CFAP46: variants seen among roughly 807,000 people sequenced by gnomAD.
The protein encoded by CFAP46 is cilia- and flagella-associated protein 46.
In CFAP46, 245 loss-of-function variants were observed where a neutral mutation model predicts 325.7. The observed-to-expected ratio is 0.75, with a 90% CI of 0.68 to 0.84. The LOEUF (loss-of-function observed/expected upper bound fraction) is 0.84, where lower values mean the gene tolerates loss of function less well. Among genes scored for constraint, CFAP46 ranks in the 40% least tolerant of loss-of-function variants. The pLI is 0.00. For synonymous variants in CFAP46, 1,523 were observed against 1,495.9 expected, an observed-to-expected ratio of 1.02 and a Z score of -0.42; for missense variants, 3,346 against 3,543.0, an observed-to-expected ratio of 0.94 and a Z score of 1.41.
At position 132,920,506 on chromosome 10, in the gene CFAP46, G is replaced by A. The variant is rs762895401; in HGVS notation, c.1607-324C>T. 1.3e-4 allele frequency among the ~76,000 whole-genome samples: 20 copies of A among 152,194 alleles called. 1 individual carries two copies. The highest frequency in any genetic ancestry group is 3.2e-3 in the Middle Eastern group (1 of 316). ...AGCTGCCCTCCAAGCAGAGGCACCC[G>A]GCCTCAGACTCCCGAGCTCCCACCC... is the stretch of plus-strand genomic sequence containing the variant. On this transcript the variant is annotated intron_variant, in intron 13 of 57. Coordinates refer to ENST00000368586, the MANE Select transcript of CFAP46 (RefSeq NM_001200049.3).
chr10:132,810,828 G>C (rs1398626606), intron 56 of CFAP46, 122 bp downstream of exon 56: 5 of 909,014 alleles, frequency 5.5e-6, no homozygotes, highest in Admixed American at 4.0e-5. Context: ...TGTGCACCCT[G>C]ACAGCTCTCA....
intron 53 of CFAP46, 63 bp downstream of exon 53, chr10:132,814,514 G>A: frequency 1.9e-6 from 3 of 1,540,954 alleles, no homozygotes; most frequent in Admixed American, 3.9e-5. Context: ...GCCCACAACT[G>A]CAGGACGGCA....
chr10:132,828,457 G>A lies in CFAP46; in HGVS notation c.7117+4901C>T, dbSNP rs566685314. 2.1e-4 allele frequency among the ~76,000 whole-genome samples: 32 copies of A among 152,122 alleles called. No individual in the cohort carries two copies. Among genetic ancestry groups the A allele is most frequent in the Admixed American group, 1.5e-3 (23 of 15,280 alleles). ...CATTTCCTTGATAATTAATGATGTC[G>A]GGCATCCTTCCATCGTACTTTGTTT... On this transcript the variant is annotated intron_variant, in intron 50 of 57. Transcript: ENST00000368586. The surrounding 1 kb of genome is among the most constrained non-coding windows in gnomAD (Gnocchi z 4.9).
intron 7 of CFAP46, 52 bp from the exon 8 acceptor site, chr10:132,934,914 A>T: frequency 8.6e-7 from 1 of 1,162,848 alleles, no homozygotes; most frequent in Non-Finnish European, 1.3e-6. Flanking sequence ...AGATTTATTC[A>T]AATTCTTCTA....
rs554283721 is a variant in CFAP46 at position 132,918,503 on chromosome 10, T to A, written c.1876A>T (p.Arg626Trp). Residue 626 changes from arginine to tryptophan, a missense_variant, in exon 16 of 58, where the codon AGG becomes TGG. By Grantham distance (101) the Arg-to-Trp change is moderately radical. Transcript: ENST00000368586. The part of the protein sequence containing the change: ...RLRRGKKKRG[R>W]DGSVQDTWSQ... ...CAGGTGTCCTGCACCGAGCCGTCCC[T>A]ACCTCGCTTCTTCTTCCCTGAGAGA... 2 of 1,522,420 alleles carry A rather than the reference T, an allele frequency of 1.3e-6. No homozygotes were observed. The highest frequency in any genetic ancestry group is 2.4e-5 in the South Asian group (2 of 82,852). 94.3% of individuals were successfully genotyped at this position (1,522,420 alleles called of 1,614,324 possible).
intron 50 of CFAP46, among the ~76,000 whole-genome samples, chr10:132,829,819 A>G (rs943291729): frequency 1.3e-5 from 2 of 152,248 alleles, no homozygotes; most frequent in African/African-American, 4.8e-5. Flanking sequence ...GCGGTGAATT[A>G]CATTGGCTGA....
intron 44 of CFAP46, 73 bp downstream of exon 44, chr10:132,845,984 C>A: frequency 6.7e-7 from 1 of 1,488,800 alleles, no homozygotes; most frequent in Non-Finnish European, 9.0e-7. Context: ...AGGCGTGGGA[C>A]TGTGCGGCTG....
chr10:132,822,247 TGC>T (rs1847869135), intron 50 of CFAP46, among the ~76,000 whole-genome samples: 3 of 101,320 alleles, frequency 3.0e-5, no homozygotes, highest in East Asian at 3.0e-4. Context: ...GTGCTGTGTG[TGC>T]GCTGATGTGT....
chr10:132,850,409 A>C lies in CFAP46; in HGVS notation c.5787T>G (p.Thr1929=). The change falls in exon 41 of 58, where the codon ACT becomes ACG. Residue 1929 remains threonine (T), a synonymous_variant. Coordinates refer to ENST00000368586, the MANE Select transcript of CFAP46 (RefSeq NM_001200049.3). ...GCTGTGCCAGTGCCCCGTGTGCTAG[A>C]GTCCGCTTCAGCGTGAACCATTGCT... The part of the protein sequence containing the change: ...VGLQWFTLKR[T]LAHGALAQLG... The C allele has an allele frequency of 6.3e-7, 1 of 1,576,882 alleles. No homozygotes were observed. Among genetic ancestry groups the C allele is most frequent in the Non-Finnish European group, 8.6e-7 (1 of 1,160,266 alleles).
chr10:132,897,212 T>G (rs1161284983), intron 24 of CFAP46, among the ~76,000 whole-genome samples: 1 of 152,148 alleles, frequency 6.6e-6, no homozygotes, highest in African/African-American at 2.4e-5. Flanking sequence ...GGACCAGGGA[T>G]ATGACACCAA....
chr10:132,899,771 AG>A, intron 22 of CFAP46, 105 bp from the exon 23 acceptor site: 1 of 1,308,814 alleles, frequency 7.6e-7, no homozygotes. Context: ...TGGTATTCTA[AG>A]ATGGGGCACC....
chr10:132,917,267 G>A (rs983287631), intron 16 of CFAP46, among the ~76,000 whole-genome samples: 3 of 152,362 alleles, frequency 2.0e-5, no homozygotes, highest in African/African-American at 2.4e-5. Flanking sequence ...TGATGGCCAC[G>A]CACCCACTGA....
Position 132,877,157 on chromosome 10 carries a change from C to T in CFAP46, c.4213-196G>A, listed in dbSNP as rs1848968232. ...CAGGCAGTGCACGCAAAGCTTTCTGCCCCGTGCACAGCCAGAGTTGGCCTG... is the reference window on the plus strand; with the variant it reads ...CAGGCAGTGCACGCAAAGCTTTCTGTCCCGTGCACAGCCAGAGTTGGCCTG... On this transcript the variant is annotated intron_variant, in intron 30 of 57. Coordinates refer to ENST00000368586, the MANE Select transcript of CFAP46 (RefSeq NM_001200049.3). This position sits in a 1 kb window ranked among gnomAD's most constrained non-coding sequence, Gnocchi z 5.7. Among the ~76,000 whole-genome samples, 1 of 152,212 alleles carries T rather than the reference C, an allele frequency of 6.6e-6. No homozygotes were observed. The highest frequency in any genetic ancestry group is 1.5e-5 in the Non-Finnish European group (1 of 68,044).
chr10:132,927,280 A>C (rs1054954708), intron 9 of CFAP46, among the ~76,000 whole-genome samples: 3 of 152,058 alleles, frequency 2.0e-5, no homozygotes, highest in African/African-American at 7.2e-5. Context: ...AAGCATCTTC[A>C]CAACTATCAG....
At position 132,919,591 on chromosome 10, in the gene CFAP46, G is replaced by A. The variant is rs560135693; in HGVS notation, c.1731-149C>T. ...GGAGCCCGGCACTCGCGCTGGGTAC[G>A]GCCTGGCGGGTGCATGTCCCAGGGT... On this transcript the variant is annotated intron_variant, in intron 14 of 57. Transcript: ENST00000368586. This position sits in a 1 kb window ranked among gnomAD's most constrained non-coding sequence, Gnocchi z 9.7. 1.8e-5 allele frequency: 19 copies of A among 1,076,484 alleles called. No homozygotes were observed. The highest frequency in any genetic ancestry group is 6.6e-5 in the South Asian group (4 of 60,754). 66.7% of individuals were successfully genotyped at this position (1,076,484 alleles called of 1,614,324 possible).
intron 36 of CFAP46, 59 bp from the exon 37 acceptor site, chr10:132,860,582 G>T: frequency 7.5e-7 from 1 of 1,339,292 alleles, no homozygotes; most frequent in Non-Finnish European, 1.0e-6. Context: ...ATGGATACAG[G>T]CCTGAGGACG....
chr10:132,818,973 A>G (rs1847746860), intron 50 of CFAP46, among the ~76,000 whole-genome samples: 1 of 152,196 alleles, frequency 6.6e-6, no homozygotes, highest in Admixed American at 6.5e-5. Context: ...ACTCTACCAA[A>G]AAACTGTTAG....
rs151194270 is a variant in CFAP46 at position 132,867,999 on chromosome 10, A to C, written c.4611-492T>G. On this transcript the variant is annotated intron_variant, in intron 33 of 57. Transcript: ENST00000368586. ...GTGCCATGAACACCAGGTCCTGGCC[A>C]TTTGCCACAGCACGTCCAGAGAGGT... 9.5e-3 allele frequency among the ~76,000 whole-genome samples: 1,446 copies of C among 152,164 alleles called. 11 individuals carry two copies. Among genetic ancestry groups the C allele is most frequent in the South Asian group, 0.043 (209 of 4,828 alleles).
In CFAP46 at chr10:132,832,785, C is replaced by T; in HGVS notation, c.7117+573G>A. ...CGAGGTCAGGGCCTTCCGCGCGCTC[C>T]CTCGTGCTTTTCACTGTCTGAGTGA... is the stretch of plus-strand genomic sequence containing the variant. On this transcript the variant is annotated intron_variant, in intron 50 of 57. Coordinates refer to ENST00000368586, the MANE Select transcript of CFAP46 (RefSeq NM_001200049.3). This position sits in a 1 kb window ranked among gnomAD's most constrained non-coding sequence, Gnocchi z 4.1. The T allele has an allele frequency of 4.2e-6, 2 of 471,268 alleles. No homozygotes were observed. The highest frequency in any genetic ancestry group is 8.8e-6 in the Non-Finnish European group (2 of 227,082). 29.2% of individuals were successfully genotyped at this position (471,268 alleles called of 1,614,324 possible).
Sources: allele counts gnomAD v4.1 joint callset (sites outside exome capture counted in the v4.1 genomes callset), GRCh38; gene constraint gnomAD v4.1.1; non-coding constraint Gnocchi (gnomAD v3.1); transcripts MANE v1.5; gene names NCBI Gene and HGNC (gene_info 2026-07-23, HGNC 2026-07-21).